SLK: variants seen among roughly 807,000 people sequenced by gnomAD.
The protein encoded by SLK is STE20-like serine/threonine-protein kinase.
SLK carries 67 observed loss-of-function variants against 147.7 expected under a neutral mutation model. The ratio of observed to expected loss-of-function variants is 0.45; its 90% CI spans 0.37 to 0.56. SLK has a LOEUF of 0.56. Among genes scored for constraint, SLK ranks in the 20% least tolerant of loss-of-function variants. The pLI is 0.00. For synonymous variants in SLK, 441 were observed against 475.0 expected, an observed-to-expected ratio of 0.93 and a Z score of 0.93; for missense variants, 1,136 against 1,438.8, an observed-to-expected ratio of 0.79 and a Z score of 3.41.
rs1448547264 is a variant in SLK at position 104,027,306 on chromosome 10, A to G, written c.*1586A>G. On this transcript the variant is annotated 3_prime_UTR_variant, in exon 19 of 19. Coordinates refer to ENST00000369755, the MANE Select transcript of SLK (RefSeq NM_014720.4). Reference sequence around the variant, plus strand: ...GAATTTTATAATTGTTTTGACAAGCATAATTTACTTGGACAACTTCGTAGG... The same window carrying G: ...GAATTTTATAATTGTTTTGACAAGCGTAATTTACTTGGACAACTTCGTAGG... 6.6e-6 allele frequency: 1 copy of G among 152,622 alleles called. No homozygotes were observed. Among genetic ancestry groups the G allele is most frequent in the Non-Finnish European group, 1.5e-5 (1 of 68,034 alleles). The allele number at this position is 152,622 out of a possible 1,614,324, so 9.5% of individuals were successfully genotyped here.
chr10:103,995,423 C>CCTT (rs1564655825), intron 4 of SLK, among the ~76,000 whole-genome samples: 3 of 67,704 alleles, frequency 4.4e-5, no homozygotes, highest in Non-Finnish European at 5.5e-5. Flanking sequence ...TCTTTCTTTT[C>CCTT]TTTTTTTTTT....
chr10:103,995,240 T>G (rs912082968), intron 4 of SLK, among the ~76,000 whole-genome samples: 9 of 152,036 alleles, frequency 5.9e-5, no homozygotes, highest in African/African-American at 2.2e-4. Flanking sequence ...TTTATTCTTA[T>G]TGAAGCTCAT....
At chr10:103,998,258 G>A (rs866920592) in intron 4 of SLK, among the ~76,000 whole-genome samples, 2 of 152,096 alleles carry the variant, frequency 1.3e-5, no homozygotes, top group Admixed American at 6.5e-5. Context: ...GAGAATTGTC[G>A]CATCAAATGT....
intron 4 of SLK, among the ~76,000 whole-genome samples, chr10:103,998,257 C>T (rs968972372): frequency 2.0e-5 from 3 of 152,054 alleles, no homozygotes; most frequent in Admixed American, 1.3e-4. Context: ...TGAGAATTGT[C>T]GCATCAAATG....
At position 103,993,055 on chromosome 10, in the gene SLK, T is replaced by G; in HGVS notation, c.436T>G (p.Leu146Val). Residue 146 changes from leucine to valine, a missense_variant, in exon 4 of 19, where the codon TTA becomes GTA. Physicochemically the swap from Leu to Val is conservative, Grantham distance 32. Coordinates refer to ENST00000369755, the MANE Select transcript of SLK (RefSeq NM_014720.4). ...CKQTLDALNY[L>V]HDNKIIHRDL... is the part of the protein sequence containing the mutation. ...GCAGACTTTAGATGCATTGAACTAC[T>G]TACATGATAATAAGATCATCCACAG... 3 of 1,611,064 alleles carry G rather than the reference T, an allele frequency of 1.9e-6. No individual in the cohort carries two copies. Among genetic ancestry groups the G allele is most frequent in the Non-Finnish European group, 2.5e-6 (3 of 1,177,678 alleles).
intron 1 of SLK, among the ~76,000 whole-genome samples, chr10:103,980,268 T>G (rs1843924142): frequency 6.6e-6 from 1 of 152,204 alleles, no homozygotes; most frequent in Non-Finnish European, 1.5e-5. Flanking sequence ...ACAAAATTTG[T>G]GCACATTTAT....
At chr10:103,996,037 A>G (rs755900639) in intron 4 of SLK, among the ~76,000 whole-genome samples, 5 of 152,126 alleles carry the variant, frequency 3.3e-5, no homozygotes, top group Admixed American at 2.6e-4. Context: ...TCTATATTTA[A>G]TGCTCACCAC....
intron 13 of SLK, 73 bp from the exon 14 acceptor site, chr10:104,018,087 A>G (rs1844486766): frequency 2.4e-6 from 3 of 1,262,324 alleles, no homozygotes; most frequent in Admixed American, 2.9e-5. Flanking sequence ...CCACTAATAT[A>G]TACAGCCATA....
chr10:104,010,122 C>A (rs1019249971), intron 12 of SLK, among the ~76,000 whole-genome samples: 2 of 152,126 alleles, frequency 1.3e-5, no homozygotes, highest in African/African-American at 4.8e-5. Flanking sequence ...GCTTACTAAA[C>A]TTACTTTTAA....
At chr10:104,023,821 A>T (rs1204247896) in intron 18 of SLK, among the ~76,000 whole-genome samples, 1 of 152,172 alleles carries the variant, frequency 6.6e-6, no homozygotes, top group African/African-American at 2.4e-5. Flanking sequence ...GCATGCCATG[A>T]TCGCTTCATT....
At chr10:103,995,924 C>G (rs927300128) in intron 4 of SLK, among the ~76,000 whole-genome samples, 1 of 152,116 alleles carries the variant, frequency 6.6e-6, no homozygotes, top group Non-Finnish European at 1.5e-5. Context: ...TAAAATCTAA[C>G]CTCTGTAATA....
Position 104,003,137 on chromosome 10 carries a change from C to T in SLK, c.1959C>T (p.Val653=), listed in dbSNP as rs779306850. ...CAAGTAGCACTGAAGAAATGGAGGT[C>T]AGAAGTGTGGTGGCTGATACTGACC... ...TESSSTEEME[V]RSVVADTDQK... The change falls in exon 9 of 19, where the codon GTC becomes GTT. Residue 653 remains valine, a synonymous_variant. Coordinates refer to ENST00000369755, the MANE Select transcript of SLK (RefSeq NM_014720.4). The T allele has an allele frequency of 1.2e-6, 2 of 1,613,996 alleles. No homozygotes were observed. Among genetic ancestry groups the T allele is most frequent in the East Asian group, 2.2e-5 (1 of 44,866 alleles).
At chr10:104,006,114 A>AC in intron 11 of SLK, 79 bp downstream of exon 11, 1 of 1,410,202 alleles carries the variant, frequency 7.1e-7, no homozygotes, top group Non-Finnish European at 9.7e-7. Flanking sequence ...AGACAAACAA[A>AC]AAAGGTTGTA....
In SLK at chr10:104,018,839, G is replaced by A; in HGVS notation, c.3063G>A (p.Gln1021=). 1 of 1,613,316 alleles carries A rather than the reference G, an allele frequency of 6.2e-7. No homozygotes were observed. The highest frequency in any genetic ancestry group is 1.1e-5 in the South Asian group (1 of 90,844). Residue 1021 remains glutamine (Q), a synonymous_variant, in exon 15 of 19, where the codon CAG becomes CAA. Transcript: ENST00000369755. ...AACGACACTTACAAGAAAAACACCA[G>A]CTGCTCAAACAGCAGCTTAAAGATC... ...LEERHLQEKH[Q]LLKQQLKDQY... is the part of the protein sequence containing the mutation.
intron 5 of SLK, 35 bp from the exon 6 acceptor site, chr10:103,999,084 T>A: frequency 1.3e-6 from 2 of 1,581,092 alleles, no homozygotes; most frequent in South Asian, 2.3e-5. Flanking sequence ...TCACTGTTCT[T>A]AAACATGTTA....
chr10:103,990,018 A>G (rs928957941), intron 1 of SLK, among the ~76,000 whole-genome samples: 10 of 152,256 alleles, frequency 6.6e-5, no homozygotes, highest in African/African-American at 2.4e-4. Flanking sequence ...GAAATGAGTT[A>G]TTAAGCCATG....
intron 1 of SLK, among the ~76,000 whole-genome samples, chr10:103,985,935 T>C (rs1244207707): frequency 2.0e-5 from 3 of 152,224 alleles, no homozygotes; most frequent in Non-Finnish European, 2.9e-5. Context: ...GTTTATGTAA[T>C]GTGGCCAAGC....
chr10:104,019,743 C>A lies in SLK; in HGVS notation c.3142C>A (p.Gln1048Lys). ...TTTAAAACTTTCATAGGAAACAGAG[C>A]AAATGCAGCGTTACAATCAAAGACT... is the stretch of plus-strand genomic sequence containing the variant. ...LLKRHEKETE[Q>K]MQRYNQRLIE... The change falls in exon 16 of 19, where the codon CAA (glutamine) becomes AAA (lysine). Residue 1048 changes from glutamine (Q) to lysine (K), a missense_variant. This residue lies in a region of SLK where 327 missense variants were observed against 457.5 expected (regional missense o/e 0.71). Transcript: ENST00000369755. The A allele has an allele frequency of 6.2e-7, 1 of 1,613,142 alleles. No individual in the cohort carries two copies. Among genetic ancestry groups the A allele is most frequent in the Non-Finnish European group, 8.5e-7 (1 of 1,179,250 alleles).
intron 11 of SLK, 122 bp downstream of exon 11, chr10:104,006,157 C>A: frequency 2.0e-6 from 2 of 1,008,076 alleles, no homozygotes; most frequent in Non-Finnish European, 2.9e-6. Flanking sequence ...ATTTCTCTAG[C>A]TTTGTGATTT....
Sources: allele counts gnomAD v4.1 joint callset (sites outside exome capture counted in the v4.1 genomes callset), GRCh38; gene constraint gnomAD v4.1.1; regional missense constraint gnomAD v4.1.1; transcripts MANE v1.5; gene names NCBI Gene and HGNC (gene_info 2026-07-23, HGNC 2026-07-21).